Variants in ZRANB2 observed in about 807,000 individuals in gnomAD.
The protein encoded by ZRANB2 is zinc finger Ran-binding domain-containing protein 2.
A neutral mutation model predicts 53.4 loss-of-function variants in ZRANB2; 19 were observed. That is an observed-to-expected ratio of 0.36 (90% CI 0.25 to 0.52). The LOEUF (loss-of-function observed/expected upper bound fraction) is 0.52, where lower values mean the gene tolerates loss of function less well. Ranked by LOEUF, ZRANB2 falls within the 20% of genes least tolerant of loss-of-function variation. ZRANB2 has a pLI of 0.93. For synonymous variants in ZRANB2, 145 were observed against 134.8 expected, an observed-to-expected ratio of 1.08 and a Z score of -0.52; for missense variants, 309 against 401.1, an observed-to-expected ratio of 0.77 and a Z score of 1.96.
chr1:71,069,438 A>G (rs749499983), intron 7 of ZRANB2, 76 bp from the exon 8 acceptor site: 18 of 1,064,208 alleles, frequency 1.7e-5, no homozygotes, highest in South Asian at 5.3e-5. Context: ...TGAAAGAAAG[A>G]TATGTATTAG....
intron 3 of ZRANB2, among the ~76,000 whole-genome samples, chr1:71,078,126 A>T (rs1350004787): frequency 6.6e-6 from 1 of 152,198 alleles, no homozygotes; most frequent in Non-Finnish European, 1.5e-5. Flanking sequence ...CTAACTATAC[A>T]GTCTAAAAAT....
chr1:71,077,030 G>A (rs1661724654), intron 3 of ZRANB2, among the ~76,000 whole-genome samples, 153 bp from the exon 4 acceptor site: 4 of 152,190 alleles, frequency 2.6e-5, no homozygotes, highest in Non-Finnish European at 4.4e-5. Context: ...AATGTACAGT[G>A]GCCTGAAGAG....
At chr1:71,065,549 C>T (rs994435282) in intron 9 of ZRANB2, 1 of 1,348,428 alleles carries the variant, frequency 7.4e-7, no homozygotes, top group East Asian at 2.7e-5. Flanking sequence ...AAAAAAGATA[C>T]AGCAAGGCTT....
intron 7 of ZRANB2, chr1:71,069,703 T>C (rs2101044591): frequency 6.3e-6 from 1 of 157,854 alleles, no homozygotes; most frequent in East Asian, 1.8e-4. Context: ...GATTTATACT[T>C]AATTTCTCTA....
chr1:71,076,952 T>G (rs930065092), intron 3 of ZRANB2, 75 bp from the exon 4 acceptor site: 5 of 1,157,340 alleles, frequency 4.3e-6, no homozygotes, highest in Non-Finnish European at 6.2e-6. Context: ...TTTTACAATT[T>G]TAAAATAAAA....
chr1:71,065,220 A>G (rs1573047906), intron 9 of ZRANB2, 83 bp from the exon 10 acceptor site: 5 of 1,137,524 alleles, frequency 4.4e-6, no homozygotes, highest in East Asian at 5.1e-5. Flanking sequence ...GTGAAAGTAT[A>G]CAAAATTCAG....
chr1:71,067,455 A>G (rs1661472911), intron 8 of ZRANB2: 1 of 291,310 alleles, frequency 3.4e-6, no homozygotes, highest in Non-Finnish European at 6.9e-6. Context: ...TAAATATTCA[A>G]GAAGAAATAA....
chr1:71,072,314 T>C, intron 5 of ZRANB2, 59 bp from the exon 6 acceptor site: 1 of 1,503,704 alleles, frequency 6.7e-7, no homozygotes, highest in Non-Finnish European at 9.0e-7. Flanking sequence ...CTTAATACAT[T>C]TTCTAAAAAA....
intron 6 of ZRANB2, 94 bp downstream of exon 6, chr1:71,072,027 T>C (rs2101046766): frequency 2.0e-6 from 3 of 1,496,174 alleles, no homozygotes; most frequent in South Asian, 2.8e-5. Flanking sequence ...ACACAGAATA[T>C]ATTTTCACCA....
intron 7 of ZRANB2, among the ~76,000 whole-genome samples, chr1:71,070,015 A>G (rs1661560981): frequency 6.6e-6 from 1 of 152,170 alleles, no homozygotes; most frequent in South Asian, 2.1e-4. Flanking sequence ...CTATATTTTT[A>G]CCAAAAAATT....
At chr1:71,069,193 T>C (rs750460873) in intron 8 of ZRANB2, 83 bp downstream of exon 8, 101 of 1,150,940 alleles carry the variant, frequency 8.8e-5, no homozygotes, top group Non-Finnish European at 1.2e-4. Context: ...AGAAGCAAAA[T>C]AAGGGGAAAA....
chr1:71,064,405 ACTTT>A lies in ZRANB2; in HGVS notation c.*665_*668del, dbSNP rs1661374056. On this transcript the variant is annotated 3_prime_UTR_variant, in exon 10 of 10. Transcript: ENST00000370920. ...AGCAGAGAAAAGATAAACTCTTAAG[ACTTT>A]CTTTTTTGCCCCAAATTATGTGTCA... 1 of 152,354 alleles carries A rather than the reference ACTTT, an allele frequency of 6.6e-6. No homozygotes were observed. Among genetic ancestry groups the A allele is most frequent in the Non-Finnish European group, 1.5e-5 (1 of 67,902 alleles). The allele number at this position is 152,354 out of a possible 1,614,324, so 9.4% of individuals were successfully genotyped here.
At chr1:71,065,687 G>A in intron 9 of ZRANB2, 1 of 1,611,502 alleles carries the variant, frequency 6.2e-7, no homozygotes, top group Non-Finnish European at 8.5e-7. Flanking sequence ...CCTGGGTAAA[G>A]TAGTGGTGTT....
At chr1:71,075,154 T>G (rs1661679661) in intron 4 of ZRANB2, among the ~76,000 whole-genome samples, 1 of 152,242 alleles carries the variant, frequency 6.6e-6, no homozygotes, top group Non-Finnish European at 1.5e-5. Context: ...TCAAAATGGG[T>G]TTTTTAAAAA....
In ZRANB2 at chr1:71,072,586, T is replaced by C. The variant is rs368203795; in HGVS notation, c.302-38A>G. 1.1e-4 allele frequency: 165 copies of C among 1,488,676 alleles called. No individual in the cohort carries two copies. In the African/African-American group the frequency reaches 1.9e-3, roughly 17 times the overall value. The allele number at this position is 1,488,676 out of a possible 1,614,324, so 92.2% of individuals were successfully genotyped here. On this transcript the variant is annotated intron_variant, in intron 4 of 9. Transcript: ENST00000370920. ...GGCACAAATTGTTACCCTATGACAA[T>C]TGATTTAAATAATAAACACATCATG...
chr1:71,080,987 G>A lies in ZRANB2; in HGVS notation c.9C>T (p.Thr3=). Residue 3 remains threonine (T), a synonymous_variant, in exon 1 of 10, where the codon ACC becomes ACT. Coordinates refer to ENST00000370920, the MANE Select transcript of ZRANB2 (RefSeq NM_203350.3). The stretch of plus-strand genomic sequence containing the variant: ...CCCCGTCACTGACTCGGAAATTCTT[G>A]GTCGACATCTTGAACGCCACCAGCA... MS[T]KNFRVSDGDW... 1.9e-6 allele frequency: 3 copies of A among 1,614,088 alleles called. No homozygotes were observed. Among genetic ancestry groups the A allele is most frequent in the East Asian group, 2.2e-5 (1 of 44,840 alleles).
chr1:71,072,675 A>G lies in ZRANB2; in HGVS notation c.302-127T>C, dbSNP rs1255406293. The G allele has an allele frequency of 4.7e-6, 3 of 643,494 alleles. No homozygotes were observed. In the East Asian group the frequency reaches 8.4e-5, roughly 18 times the overall value. The allele number at this position is 643,494 out of a possible 1,614,324, so 39.9% of individuals were successfully genotyped here. On this transcript the variant is annotated intron_variant, in intron 4 of 9. Coordinates refer to ENST00000370920, the MANE Select transcript of ZRANB2 (RefSeq NM_203350.3). ...TGGCTGCCTACCCATCTAATAAATT[A>G]CTAGTCTTTAGAAAGCATATTAGAA...
intron 9 of ZRANB2, chr1:71,065,563 T>C: frequency 7.1e-7 from 1 of 1,406,990 alleles, no homozygotes; most frequent in Non-Finnish European, 9.3e-7. Flanking sequence ...AAGGCTTCTG[T>C]GTATGAGAAA....
chr1:71,072,674 T>C, intron 4 of ZRANB2, 126 bp from the exon 5 acceptor site: 1 of 642,026 alleles, frequency 1.6e-6, no homozygotes, highest in East Asian at 2.8e-5. Context: ...TCTAATAAAT[T>C]ACTAGTCTTT....
Sources: allele counts gnomAD v4.1 joint callset (sites outside exome capture counted in the v4.1 genomes callset), GRCh38; gene constraint gnomAD v4.1.1; transcripts MANE v1.5; gene names NCBI Gene and HGNC (gene_info 2026-07-23, HGNC 2026-07-21).